CALHM2: variants seen among roughly 807,000 people sequenced by gnomAD.
CALHM2 encodes the protein calcium homeostasis modulator family member 2, also known as calcium homeostasis modulator protein 2.
Under a neutral mutation model 20.4 loss-of-function variants are expected in CALHM2, and 18 were observed. That is an observed-to-expected ratio of 0.88 (90% CI 0.61 to 1.31). CALHM2 has a LOEUF of 1.31. Ranked by LOEUF, CALHM2 falls within the 50% of genes most tolerant of loss-of-function variation. The pLI, the probability that CALHM2 is intolerant of heterozygous loss-of-function variation, is 0.00. For missense variants in CALHM2, 411 were observed against 435.7 expected (o/e 0.94, Z 0.50); for synonymous variants, 193 against 192.1 (o/e 1.00, Z -0.04).
chr10:103,448,628 G>A (rs1161002482), intron 3 of CALHM2, among the ~76,000 whole-genome samples: 1 of 151,766 alleles, frequency 6.6e-6, no homozygotes, highest in Non-Finnish European at 1.5e-5. Flanking sequence ...GGCTGAGGCA[G>A]GAGAATTGCT....
chr10:103,451,697 C>T (rs565762161), intron 1 of CALHM2: 1 of 151,570 alleles, frequency 6.6e-6, no homozygotes, highest in South Asian at 1.8e-4. Context: ...TCCCCCACTT[C>T]ACAGCCTGGA....
intron 1 of CALHM2, 91 bp downstream of exon 1, chr10:103,452,065 C>G (rs2033025552): frequency 6.6e-6 from 1 of 152,368 alleles, no homozygotes; most frequent in Non-Finnish European, 1.5e-5. Flanking sequence ...GGAACCTCAG[C>G]TAGGGGCCTC....
chr10:103,449,699 G>C lies in CALHM2; in HGVS notation c.243C>G (p.Asn81Lys), dbSNP rs781622865. The stretch of plus-strand genomic sequence containing the variant: ...TCCGGTGCTGGCACTCGGCCACGAG[G>C]TTCCAGGTGTGGTTGTTGAGGATGA... ...IGIILNNHTWNLVAECQHRRT... is the reference protein window; with the variant it reads ...IGIILNNHTWKLVAECQHRRT... The change falls in exon 3 of 4, where the codon AAC becomes AAG. Residue 81 changes from asparagine to lysine, a missense_variant. By Grantham distance (94) the Asn-to-Lys change is moderately conservative (BLOSUM62 0). Transcript: ENST00000260743. 3 of 1,613,702 alleles carry C rather than the reference G, an allele frequency of 1.9e-6. No individual in the cohort carries two copies. In the East Asian group the frequency reaches 6.7e-5, roughly 36 times the overall value.
In CALHM2 at chr10:103,449,955, G is replaced by A. The variant is rs919841179; in HGVS notation, c.-14C>T. ...CAGGGCTGCCATGGCGATAGTCGTG[G>A]CGGGGTGGATTGCAGGAGAGGAGGC... On this transcript the variant is annotated 5_prime_UTR_variant, in exon 3 of 4. Transcript: ENST00000260743. 2.5e-5 allele frequency: 40 copies of A among 1,602,410 alleles called. No homozygotes were observed. The highest frequency in any genetic ancestry group is 1.1e-5 in the South Asian group (1 of 90,070).
intron 2 of CALHM2, 31 bp from the exon 3 acceptor site, chr10:103,450,130 C>T: frequency 1.7e-6 from 1 of 604,244 alleles, no homozygotes; most frequent in South Asian, 2.0e-5. Flanking sequence ...AAGTGTTTCC[C>T]TCTGAAAACC....
At chr10:103,449,275 C>T (rs2032832700) in intron 3 of CALHM2, 112 bp downstream of exon 3, 1 of 922,222 alleles carries the variant, frequency 1.1e-6, no homozygotes, top group African/African-American at 1.6e-5. Context: ...CTAGTGCTTT[C>T]CCACAGACCT....
rs553887282 is a variant in CALHM2 at position 103,451,119 on chromosome 10, C to T, written c.-195G>A. 6.6e-6 allele frequency: 1 copy of T among 152,594 alleles called. No individual in the cohort carries two copies. Among genetic ancestry groups the T allele is most frequent in the Admixed American group, 6.5e-5 (1 of 15,304 alleles). 9.5% of individuals were successfully genotyped at this position (152,594 alleles called of 1,614,324 possible). On this transcript the variant is annotated 5_prime_UTR_variant, in exon 2 of 4. Coordinates refer to ENST00000260743, the MANE Select transcript of CALHM2 (RefSeq NM_015916.5). ...CATCCACGGGTGTCCCGAAGAACCT[C>T]CTCTTCCGCAGCCGTGACCCCTCTC...
rs199799919 is a variant in CALHM2, at chr10:103,447,197, G to A, written c.927C>T (p.Asn309=). ...TCTCCACGTTGTCAGGGGCCGCGCC[G>A]TTGCCTGCCAGACCCTGGGCCCACT... ...LHKWAQGLAG[N]GAAPDNVEMA... Residue 309 remains asparagine, a synonymous_variant, in exon 4 of 4, where the codon AAC becomes AAT. Transcript: ENST00000260743. The A allele has an allele frequency of 1.1e-3, 1,698 of 1,613,914 alleles. 30 individuals are homozygous for A. In the South Asian group the frequency reaches 0.017, roughly 17 times the overall value.
Position 103,447,187 on chromosome 10 carries a change from G to A in CALHM2, c.937C>T (p.Pro313Ser). 1 of 1,613,344 alleles carries A rather than the reference G, an allele frequency of 6.2e-7. No homozygotes were observed. Among genetic ancestry groups the A allele is most frequent in the Non-Finnish European group, 8.5e-7 (1 of 1,179,512 alleles). The change falls in exon 4 of 4, where the codon CCT (proline) becomes TCT (serine). Residue 313 changes from proline (P) to serine (S), a missense_variant. By Grantham distance (74) the Pro-to-Ser change is moderately conservative (BLOSUM62 -1). Coordinates refer to ENST00000260743, the MANE Select transcript of CALHM2 (RefSeq NM_015916.5). ...AQGLAGNGAA[P>S]DNVEMALLPS ...AGCAGGGCCATCTCCACGTTGTCAG[G>A]GGCCGCGCCGTTGCCTGCCAGACCC...
At position 103,449,400 on chromosome 10, in the gene CALHM2, C is replaced by G; in HGVS notation, c.542G>C (p.Arg181Thr). ...ACAGCTCCTTACCTGGGACTCATAC[C>G]TGAGCCTGCGGCTGACCTCCTCCCG... ...DFREEVSRRL[R>T]YESQLFGWLL... Residue 181 changes from arginine (R) to threonine (T), a missense_variant, in exon 3 of 4, where the codon AGG becomes ACG. Transcript: ENST00000260743. 1 of 1,612,788 alleles carries G rather than the reference C, an allele frequency of 6.2e-7. No homozygotes were observed. The highest frequency in any genetic ancestry group is 8.5e-7 in the Non-Finnish European group (1 of 1,179,992).
In CALHM2 at chr10:103,447,093, A is replaced by G. The variant is rs1343869945; in HGVS notation, c.*59T>C. 1 of 1,457,390 alleles carries G rather than the reference A, an allele frequency of 6.9e-7. No individual in the cohort carries two copies. Among genetic ancestry groups the G allele is most frequent in the Non-Finnish European group, 9.3e-7 (1 of 1,074,746 alleles). The allele number at this position is 1,457,390 out of a possible 1,614,324, so 90.3% of individuals were successfully genotyped here. A position where few individuals can be genotyped will look rare whatever the true frequency, so the allele number is the denominator to read the frequency against. On this transcript the variant is annotated 3_prime_UTR_variant, in exon 4 of 4. Transcript: ENST00000260743. ...CCTTCTGATATGGATGTGAGCAAGCAGTGGGGTTCAGTTTGGGACCAAGTA... is the reference window on the plus strand; with the variant it reads ...CCTTCTGATATGGATGTGAGCAAGCGGTGGGGTTCAGTTTGGGACCAAGTA...
chr10:103,446,884 G>A lies in CALHM2; in HGVS notation c.*268C>T, dbSNP rs971997586. On this transcript the variant is annotated 3_prime_UTR_variant, in exon 4 of 4. Coordinates refer to ENST00000260743, the MANE Select transcript of CALHM2 (RefSeq NM_015916.5). ...TTCCCAGTGGTGCACTGCTGCGCTG[G>A]GTGTCCCTATGCAGCTAGATACATG... 1 of 388,950 alleles carries A rather than the reference G, an allele frequency of 2.6e-6. No individual in the cohort carries two copies. The highest frequency in any genetic ancestry group is 2.0e-5 in the African/African-American group (1 of 48,852). 24.1% of individuals were successfully genotyped at this position (388,950 alleles called of 1,614,324 possible).
Position 103,447,480 on chromosome 10 carries a change from C to A in CALHM2, c.644G>T (p.Arg215Leu). ...GTACTGCGCCCAGTAGGCCTCCTGG[C>A]GGTAGCTGAGTGGTGAGCAGTAATG... ...LKHYCSPLSY[R>L]QEAYWAQYRA... The change falls in exon 4 of 4, where the codon CGC becomes CTC. Residue 215 changes from arginine to leucine, a missense_variant. Physicochemically the swap from Arg to Leu is moderately radical, Grantham distance 102. Transcript: ENST00000260743. 1.9e-6 allele frequency: 3 copies of A among 1,613,924 alleles called. No homozygotes were observed. Among genetic ancestry groups the A allele is most frequent in the Non-Finnish European group, 2.5e-6 (3 of 1,179,850 alleles).
intron 3 of CALHM2, 53 bp downstream of exon 3, chr10:103,449,334 C>G (rs2032836827): frequency 6.6e-7 from 1 of 1,526,202 alleles, no homozygotes. Context: ...ATCCCCGGAC[C>G]TCTCACCAGC....
At position 103,449,957 on chromosome 10, in the gene CALHM2, G is replaced by A. The variant is rs756140271; in HGVS notation, c.-16C>T. 18 of 1,599,976 alleles carry A rather than the reference G, an allele frequency of 1.1e-5. No individual in the cohort carries two copies. The highest frequency in any genetic ancestry group is 5.4e-5 in the African/African-American group (4 of 74,724). On this transcript the variant is annotated 5_prime_UTR_variant, in exon 3 of 4. Transcript: ENST00000260743. The stretch of plus-strand genomic sequence containing the variant: ...GGGCTGCCATGGCGATAGTCGTGGC[G>A]GGGTGGATTGCAGGAGAGGAGGCAG...
At chr10:103,448,105 C>G (rs2032758906) in intron 3 of CALHM2, among the ~76,000 whole-genome samples, 1 of 152,124 alleles carries the variant, frequency 6.6e-6, no homozygotes, top group South Asian at 2.1e-4. Flanking sequence ...CTGGTGCTAT[C>G]TCCAGCCTTT....
At position 103,447,579 on chromosome 10, in the gene CALHM2, A is replaced by G. The variant is rs775683201; in HGVS notation, c.556-11T>C. 3.2e-6 allele frequency: 5 copies of G among 1,578,550 alleles called. No individual in the cohort carries two copies. In the African/African-American group the frequency reaches 4.0e-5, roughly 13 times the overall value. On this transcript the variant is annotated splice_polypyrimidine_tract_variant and intron_variant, in intron 3 of 3. Transcript: ENST00000260743. The stretch of plus-strand genomic sequence containing the variant: ...CAGCCATCCAAAGAGCTGGCCAGAG[A>G]ATGGGCACAGTTCAGGAGGGGCGAG...
chr10:103,447,239 G>T lies in CALHM2; in HGVS notation c.885C>A (p.Leu295=), dbSNP rs111960037. 2.5e-5 allele frequency: 41 copies of T among 1,614,232 alleles called. No individual in the cohort carries two copies. The highest frequency in any genetic ancestry group is 2.3e-4 in the African/African-American group (17 of 75,062). The change falls in exon 4 of 4, where the codon CTC becomes CTA. Residue 295 remains leucine (L), a synonymous_variant. Coordinates refer to ENST00000260743, the MANE Select transcript of CALHM2 (RefSeq NM_015916.5). ...YLYRENQGLP[L]YSRLHKWAQG... ...GGGCCCACTTGTGCAGGCGGCTGTA[G>T]AGTGGGAGGCCCTGGTTCTCACGGT...
At position 103,447,210 on chromosome 10, in the gene CALHM2, C is replaced by A. The variant is rs549056698; in HGVS notation, c.914G>T (p.Gly305Val). The A allele has an allele frequency of 3.1e-6, 5 of 1,614,180 alleles. No individual in the cohort carries two copies. In the East Asian group the frequency reaches 1.1e-4, roughly 36 times the overall value. ...AGGGGCCGCGCCGTTGCCTGCCAGA[C>A]CCTGGGCCCACTTGTGCAGGCGGCT... is the stretch of plus-strand genomic sequence containing the variant. ...LYSRLHKWAQ[G>V]LAGNGAAPDN... Residue 305 changes from glycine (G) to valine (V), a missense_variant, in exon 4 of 4, where the codon GGT becomes GTT. Coordinates refer to ENST00000260743, the MANE Select transcript of CALHM2 (RefSeq NM_015916.5).
Sources: allele counts gnomAD v4.1 joint callset (sites outside exome capture counted in the v4.1 genomes callset), GRCh38; gene constraint gnomAD v4.1.1; transcripts MANE v1.5; gene names NCBI Gene and HGNC (gene_info 2026-07-23, HGNC 2026-07-21).